The following SYCP2L variants were observed in gnomAD, a reference collection of about 807,000 sequenced individuals.
SYCP2L encodes the protein synaptonemal complex protein 2 like, also known as synaptonemal complex protein 2-like.
In SYCP2L, 98 loss-of-function variants were observed where a neutral mutation model predicts 125.8. That is an observed-to-expected ratio of 0.78 (90% CI 0.66 to 0.92). The LOEUF (loss-of-function observed/expected upper bound fraction) is 0.92, where lower values mean the gene tolerates loss of function less well. SYCP2L is among the 40% of genes least tolerant of loss of function. SYCP2L has a pLI of 0.00. For synonymous variants in SYCP2L, 317 were observed against 325.4 expected (o/e 0.97, Z 0.28); for missense variants, 842 against 936.4 (o/e 0.90, Z 1.32).
At chr6:10,946,207 T>C (rs190727973) in intron 23 of SYCP2L, among the ~76,000 whole-genome samples, 1 of 152,274 alleles carries the variant, frequency 6.6e-6, no homozygotes, top group African/African-American at 2.4e-5. Flanking sequence ...ATAAGTATTT[T>C]TATTGTATTT....
intron 29 of SYCP2L, among the ~76,000 whole-genome samples, chr6:10,970,806 T>C (rs1781756947): frequency 6.6e-6 from 1 of 152,102 alleles, no homozygotes; most frequent in Non-Finnish European, 1.5e-5. Context: ...GGACATAGAC[T>C]GGATAAGTTG....
intron 1 of SYCP2L, among the ~76,000 whole-genome samples, chr6:10,888,822 G>A (rs10484889): frequency 0.11 from 16,742 of 152,076 alleles, 1,503 homozygotes; most frequent in African/African-American, 0.25. Context: ...TTATAGATAC[G>A]TAGCATAGTG....
At chr6:10,905,213 T>C (rs1780465954) in intron 8 of SYCP2L, among the ~76,000 whole-genome samples, 1 of 149,778 alleles carries the variant, frequency 6.7e-6, no homozygotes, top group South Asian at 2.1e-4. Flanking sequence ...AAATTCTGAG[T>C]GAATATACAA....
intron 6 of SYCP2L, among the ~76,000 whole-genome samples, chr6:10,900,353 CTTTTCTT>C (rs1780356351): frequency 6.6e-6 from 1 of 150,480 alleles, no homozygotes. Flanking sequence ...TTTTTCTTTT[CTTTTCTT>C]TTTTTTTTTT....
chr6:10,911,891 A>C (rs369147662), intron 12 of SYCP2L, among the ~76,000 whole-genome samples: 4 of 72,128 alleles, frequency 5.5e-5, no homozygotes, highest in African/African-American at 1.7e-4. Context: ...TGGGGAATAA[A>C]AGCTTTTTTT....
chr6:10,912,911 G>T lies in SYCP2L; in HGVS notation c.1056G>T (p.Met352Ile). The stretch of plus-strand genomic sequence containing the variant: ...TGACACTTCCGAAGGAAGCGGTGAT[G>T]AATTTCAGCATAACAGGTAATATGA... Reference protein sequence around the residue: ...DSVTLPKEAVMNFSITETEKI... With the variant: ...DSVTLPKEAVINFSITETEKI... Residue 352 changes from methionine to isoleucine, a missense_variant, in exon 14 of 30, where the codon ATG becomes ATT. Met to Ile is a conservative substitution (Grantham distance 10). Coordinates refer to ENST00000283141, the MANE Select transcript of SYCP2L (RefSeq NM_001040274.3). The surrounding 1 kb of genome is among the most constrained non-coding windows in gnomAD (Gnocchi z 4.1). 6.2e-7 allele frequency: 1 copy of T among 1,613,698 alleles called. No homozygotes were observed. Among genetic ancestry groups the T allele is most frequent in the South Asian group, 1.1e-5 (1 of 91,058 alleles).
At chr6:10,922,004 C>T (rs528563783) in intron 14 of SYCP2L, among the ~76,000 whole-genome samples, 8 of 152,214 alleles carry the variant, frequency 5.3e-5, no homozygotes, top group South Asian at 2.1e-4. Flanking sequence ...CATGCCTGGC[C>T]GACCACTTTT....
intron 26 of SYCP2L, among the ~76,000 whole-genome samples, chr6:10,959,157 T>A (rs1219985542): frequency 6.6e-6 from 1 of 152,224 alleles, no homozygotes; most frequent in African/African-American, 2.4e-5. Flanking sequence ...TGGAAATATA[T>A]GTTAAAAATA....
At chr6:10,918,857 G>A (rs778262608) in intron 14 of SYCP2L, among the ~76,000 whole-genome samples, 2 of 152,108 alleles carry the variant, frequency 1.3e-5, no homozygotes, top group African/African-American at 2.4e-5. Flanking sequence ...CCACTTGTTC[G>A]ATTCTATTGC....
At chr6:10,917,094 C>T (rs1434077843) in intron 14 of SYCP2L, among the ~76,000 whole-genome samples, 1 of 152,134 alleles carries the variant, frequency 6.6e-6, no homozygotes, top group East Asian at 1.9e-4. Flanking sequence ...GTTCCAGGCA[C>T]CTGTTGAATA....
chr6:10,922,279 T>G (rs536948939), intron 14 of SYCP2L, among the ~76,000 whole-genome samples: 1 of 152,162 alleles, frequency 6.6e-6, no homozygotes, highest in Non-Finnish European at 1.5e-5. Flanking sequence ...CTCTTTCCAT[T>G]CTTATAGCCA....
chr6:10,891,611 CTCTGTGTGTG>C (rs61685618), intron 2 of SYCP2L, 30 bp downstream of exon 2: 4,419 of 129,536 alleles, frequency 0.034, 122 homozygotes, highest in African/African-American at 0.1. Flanking sequence ...TATAATCTCT[CTCTGTGTGTG>C]TGTGTGTGTG....
Position 10,925,680 on chromosome 6 carries a change from A to G in SYCP2L, c.1219-659A>G, listed in dbSNP as rs571735823. On this transcript the variant is annotated intron_variant, in intron 15 of 29. Coordinates refer to ENST00000283141, the MANE Select transcript of SYCP2L (RefSeq NM_001040274.3). ...ATATGTAGCAAAGTGCTCTGAAAAT[A>G]GTTTCTAAAAACTCACCTTATTTTA... Among the ~76,000 whole-genome samples, 5 of 152,272 alleles carry G rather than the reference A, an allele frequency of 3.3e-5. No individual in the cohort carries two copies. The East Asian group carries it at 7.7e-4, about 23-fold the overall frequency.
In SYCP2L at chr6:10,934,685, A is replaced by G. The variant is rs1446435983; in HGVS notation, c.1684-373A>G. On this transcript the variant is annotated intron_variant, in intron 20 of 29. Coordinates refer to ENST00000283141, the MANE Select transcript of SYCP2L (RefSeq NM_001040274.3). ...ACAGAGTGATTCCATCTTAAAAAAG[A>G]TAACTGGAAATTGGAAATTCAAGAA... is the stretch of plus-strand genomic sequence containing the variant. 2.6e-5 allele frequency among the ~76,000 whole-genome samples: 4 copies of G among 152,336 alleles called. No homozygotes were observed. The East Asian group carries it at 7.7e-4, about 29-fold the overall frequency.
chr6:10,923,196 C>T (rs1780830445), intron 14 of SYCP2L, among the ~76,000 whole-genome samples: 1 of 151,910 alleles, frequency 6.6e-6, no homozygotes, highest in Non-Finnish European at 1.5e-5. Context: ...CTGTTCTTTC[C>T]TGGACTTTGC....
At chr6:10,903,230 C>G (rs971608116) in intron 8 of SYCP2L, among the ~76,000 whole-genome samples, 2 of 152,038 alleles carry the variant, frequency 1.3e-5, no homozygotes, top group African/African-American at 4.8e-5. Context: ...GTCAGGAGAT[C>G]GAGACCATCC....
rs145827999 is a variant in SYCP2L at position 10,942,981 on chromosome 6, A to G, written c.1954+235A>G. ...GGACCTCTTGTGCCAAGGAAGGTATAGCCTGGGACCTGAATCCCACCAGCC... is the reference window on the plus strand; with the variant it reads ...GGACCTCTTGTGCCAAGGAAGGTATGGCCTGGGACCTGAATCCCACCAGCC... On this transcript the variant is annotated intron_variant, in intron 23 of 29. Transcript: ENST00000283141. 1.0e-3 allele frequency among the ~76,000 whole-genome samples: 157 copies of G among 152,228 alleles called. 1 individual carries two copies. Among genetic ancestry groups the G allele is most frequent in the African/African-American group, 3.5e-3 (144 of 41,536 alleles).
At chr6:10,893,787 G>T in intron 2 of SYCP2L, 80 bp from the exon 3 acceptor site, 1 of 1,430,922 alleles carries the variant, frequency 7.0e-7, no homozygotes, top group Non-Finnish European at 9.6e-7. Context: ...AATTCTTATT[G>T]ATAATGAGAT....
intron 29 of SYCP2L, among the ~76,000 whole-genome samples, chr6:10,973,074 A>G (rs1353301858): frequency 2.6e-5 from 4 of 152,256 alleles, no homozygotes; most frequent in Admixed American, 6.5e-5. Context: ...CCTGAATTAA[A>G]TTACACATGC....
Sources: allele counts gnomAD v4.1 joint callset (sites outside exome capture counted in the v4.1 genomes callset), GRCh38; gene constraint gnomAD v4.1.1; non-coding constraint Gnocchi (gnomAD v3.1); transcripts MANE v1.5; gene names NCBI Gene and HGNC (gene_info 2026-07-23, HGNC 2026-07-21).